MSN: variants seen among roughly 807,000 people sequenced by gnomAD.
MSN encodes epididymis luminal protein 70.
A neutral mutation model predicts 48.0 loss-of-function variants in MSN; 2 were observed. The observed-to-expected ratio is 0.04, with a 90% confidence interval of 0.02 to 0.13. The LOEUF (loss-of-function observed/expected upper bound fraction) is 0.13, where lower values mean the gene tolerates loss of function less well. Among genes scored for constraint, MSN ranks in the 10% least tolerant of loss-of-function variants. The pLI is 1.00. For missense variants in MSN, 267 were observed against 470.1 expected (o/e 0.57, Z 3.99); for synonymous variants, 146 against 166.9 (o/e 0.87, Z 0.97).
chrX:65,670,167 A>G (rs2070916833), intron 1 of MSN, among the ~76,000 whole-genome samples: 1 of 111,849 alleles, frequency 8.9e-6, no homozygotes, highest in Non-Finnish European at 1.9e-5. Context: ...TATTCCTCAT[A>G]CCAAGGCCAA....
chrX:65,692,868 C>T (rs765785904), intron 1 of MSN, among the ~76,000 whole-genome samples: 21 of 110,975 alleles, frequency 1.9e-4, no homozygotes, highest in Non-Finnish European at 3.4e-4. Flanking sequence ...TTAGTAGATA[C>T]GAGGTTTCGC....
rs753875084 is a variant in MSN at position 65,720,162 on chromosome X, G to A, written c.96+3261G>A. Among the ~76,000 whole-genome samples, 122 of 112,053 alleles carry A rather than the reference G, an allele frequency of 1.1e-3. 2 individuals are homozygous for A. Among genetic ancestry groups the A allele is most frequent in the African/African-American group, 4.0e-3 (122 of 30,843 alleles). ...TACTATGGCCTATTCCTGGCTAGGC[G>A]CTTTAATCCTCACAATGCTCCTGCC... On this transcript the variant is annotated intron_variant, in intron 2 of 12. Coordinates refer to ENST00000360270, the MANE Select transcript of MSN (RefSeq NM_002444.3).
intron 2 of MSN, among the ~76,000 whole-genome samples, chrX:65,720,803 A>G (rs1038051685): frequency 1.1e-4 from 12 of 112,257 alleles, no homozygotes; most frequent in African/African-American, 3.9e-4. Context: ...GCAATAAATA[A>G]TAGGCAACAA....
chrX:65,731,819 C>G lies in MSN; in HGVS notation c.552-19C>G, dbSNP rs774970617. On this transcript the variant is annotated intron_variant, in intron 5 of 12. Transcript: ENST00000360270. ...ACTCACAAGCCCCACTTTGTGACCC[C>G]CAACTCTGTGTCATTTAGGGAGGAT... is the stretch of plus-strand genomic sequence containing the variant. 6.6e-6 allele frequency: 8 copies of G among 1,203,712 alleles called. No individual in the cohort carries two copies. The South Asian group carries it at 1.4e-4, about 22-fold the overall frequency.
rs184743114 is a variant in MSN at position 65,683,975 on chromosome X, C to G, written c.12+16122C>G. Among the ~76,000 whole-genome samples the G allele has an allele frequency of 5.0e-4, 45 of 89,644 alleles. 1 individual carries two copies. Among genetic ancestry groups the G allele is most frequent in the African/African-American group, 1.8e-3 (41 of 23,279 alleles). The allele number at this position is 89,644 out of a possible 115,157, so 77.8% of individuals were successfully genotyped here. A position where few individuals can be genotyped will look rare whatever the true frequency, so the allele number is the denominator to read the frequency against. Reference sequence around the variant, plus strand: ...TTTTTTTTTGAGATGGAGTCTTGCTCTGTTGCCCAGGCTGGAGTGCAGTGA... The same window carrying G: ...TTTTTTTTTGAGATGGAGTCTTGCTGTGTTGCCCAGGCTGGAGTGCAGTGA... On this transcript the variant is annotated intron_variant, in intron 1 of 12. Transcript: ENST00000360270.
At chrX:65,626,471 T>A (rs1266220578) in intron 1 of MSN, among the ~76,000 whole-genome samples, 1 of 111,892 alleles carries the variant, frequency 8.9e-6, no homozygotes, top group Non-Finnish European at 1.9e-5. Flanking sequence ...TTGTAGTCTG[T>A]ATGTTTAGTA....
chrX:65,606,107 A>AT (rs1303779088), intron 1 of MSN, among the ~76,000 whole-genome samples: 6 of 101,421 alleles, frequency 5.9e-5, no homozygotes, highest in East Asian at 3.1e-4. Context: ...CATACCGAGG[A>AT]TTTTTTTTGT....
intron 1 of MSN, among the ~76,000 whole-genome samples, chrX:65,623,078 T>C (rs939050123): frequency 9.0e-6 from 1 of 111,247 alleles, no homozygotes; most frequent in East Asian, 2.8e-4. Flanking sequence ...TTAGGTTGAA[T>C]GTTCCTTCAA....
chrX:65,625,469 CAT>C (rs1339331056), intron 1 of MSN: 4 of 112,147 alleles, frequency 3.6e-5, no homozygotes, highest in Non-Finnish European at 7.5e-5. Flanking sequence ...GTTTGTTGCA[CAT>C]ATGTTTATAA....
chrX:65,613,817 A>G lies in MSN; in HGVS notation c.-22+25205A>G, dbSNP rs745634630. Among the ~76,000 whole-genome samples, 5 of 112,030 alleles carry G rather than the reference A, an allele frequency of 4.5e-5. No homozygotes were observed. In the East Asian group the frequency reaches 1.1e-3, roughly 25 times the overall value. ...TTGCAAAAATTTTCTCCCATTCTGT[A>G]GGTTGCCTGTTCACTCTGATGATAG... On this transcript the variant is annotated intron_variant, in intron 1 of 3. Coordinates refer to the MSN transcript ENST00000609672.
chrX:65,696,500 A>G (rs181049463), intron 1 of MSN, among the ~76,000 whole-genome samples: 27 of 111,398 alleles, frequency 2.4e-4, no homozygotes, highest in Non-Finnish European at 4.9e-4. Context: ...GGTAATTTCC[A>G]TAGAGATTCT....
At chrX:65,702,042 G>A (rs1400261863) in intron 1 of MSN, among the ~76,000 whole-genome samples, 2 of 98,680 alleles carry the variant, frequency 2.0e-5, no homozygotes, top group Admixed American at 1.1e-4. Flanking sequence ...GTCTTCCTCT[G>A]TCGCCTGTCG....
rs1444050592 is a variant in MSN, at chrX:65,737,260, G to A, written c.1173G>A (p.Lys391=). 2.5e-6 allele frequency: 3 copies of A among 1,211,221 alleles called. No homozygotes were observed. The highest frequency in any genetic ancestry group is 3.4e-6 in the Non-Finnish European group (3 of 895,317). Residue 391 remains lysine, a synonymous_variant, in exon 10 of 13, where the codon AAG becomes AAA. Transcript: ENST00000360270. ...AGAGCGAGGCTGAAAAGCTGGCCAAGGAGCGTCAAGAAGCTGAAGAGGCCA... is the reference window on the plus strand; with the variant it reads ...AGAGCGAGGCTGAAAAGCTGGCCAAAGAGCGTCAAGAAGCTGAAGAGGCCA... ...RAQSEAEKLA[K]ERQEAEEAKE...
intron 1 of MSN, among the ~76,000 whole-genome samples, chrX:65,621,417 C>T (rs1054836456): frequency 8.9e-6 from 1 of 112,143 alleles, no homozygotes; most frequent in African/African-American, 3.2e-5. Context: ...CGATTAGCCA[C>T]AGATGGCTGC....
intron 2 of MSN, among the ~76,000 whole-genome samples, chrX:65,721,904 G>A (rs935186515): frequency 3.6e-5 from 4 of 110,976 alleles, no homozygotes; most frequent in African/African-American, 9.9e-5. Flanking sequence ...GCAACATAGC[G>A]AGACCCCATC....
chrX:65,651,650 C>T (rs1251859431), intron 1 of MSN, among the ~76,000 whole-genome samples: 9 of 106,690 alleles, frequency 8.4e-5, no homozygotes, highest in South Asian at 4.2e-4. Context: ...TGCAATGGCA[C>T]GATCTCAGCT....
intron 1 of MSN, among the ~76,000 whole-genome samples, chrX:65,659,857 T>C (rs1011136579): frequency 2.7e-5 from 3 of 111,182 alleles, no homozygotes; most frequent in Non-Finnish European, 5.7e-5. Flanking sequence ...CTATGTCTTC[T>C]CTCTAGAAAC....
At chrX:65,678,187 C>T (rs1394895667) in intron 1 of MSN, among the ~76,000 whole-genome samples, 2 of 111,698 alleles carry the variant, frequency 1.8e-5, no homozygotes, top group Admixed American at 1.9e-4. Flanking sequence ...CTCCTTGCCA[C>T]CCCACCTCAA....
intron 1 of MSN, among the ~76,000 whole-genome samples, chrX:65,615,381 T>C (rs1380279008): frequency 1.8e-5 from 2 of 109,568 alleles, no homozygotes; most frequent in Non-Finnish European, 3.8e-5. Flanking sequence ...TTCCTGACTT[T>C]TTAATGATTG....
Sources: gnomAD v4.1 joint callset for allele counts (sites outside exome capture counted in the v4.1 genomes callset) on GRCh38, gnomAD v4.1.1 for gene constraint, MANE v1.5 for transcripts, NCBI Gene and HGNC (gene_info 2026-07-23, HGNC 2026-07-21) for gene names.